The following DNAH17 variants were observed in gnomAD, a reference collection of about 807,000 sequenced individuals.
DNAH17 encodes the protein axonemal beta dynein heavy chain 17.
In DNAH17, 376 loss-of-function variants were observed where a neutral mutation model predicts 485.6. The observed-to-expected ratio is 0.77, with a 90% CI of 0.71 to 0.84. The LOEUF is 0.84. DNAH17 is among the 40% of genes least tolerant of loss of function. DNAH17 has a pLI of 0.00. For synonymous variants in DNAH17, 3,031 were observed against 2,405.9 expected (o/e 1.26, Z -7.60); for missense variants, 6,370 against 5,839.3 (o/e 1.09, Z -2.96).
At chr17:78,497,205 G>C (rs998517670) in intron 37 of DNAH17, among the ~76,000 whole-genome samples, 2 of 152,184 alleles carry the variant, frequency 1.3e-5, no homozygotes, top group Non-Finnish European at 2.9e-5. Flanking sequence ...TAGAGCATCA[G>C]GGGCCGTTGC....
intron 22 of DNAH17, among the ~76,000 whole-genome samples, chr17:78,528,586 G>A (rs74001402): frequency 0.016 from 2,484 of 152,164 alleles, 70 homozygotes; most frequent in African/African-American, 0.057. Flanking sequence ...AGGGGAGAGG[G>A]CGGGAGGAGG....
chr17:78,552,092 G>A (rs956017671), intron 15 of DNAH17, among the ~76,000 whole-genome samples: 16 of 152,122 alleles, frequency 1.1e-4, no homozygotes, highest in Admixed American at 1.3e-4. Flanking sequence ...ATCGCTGGGC[G>A]TTCTCTGAAA....
chr17:78,570,855 T>TG (rs2092342321), intron 6 of DNAH17, 93 bp downstream of exon 6: 1 of 414,398 alleles, frequency 2.4e-6, no homozygotes, highest in Non-Finnish European at 3.5e-6. Context: ...AGACTCCCTC[T>TG]CAAAAAAAAA....
chr17:78,463,021 G>A lies in DNAH17; in HGVS notation c.8997C>T (p.Asn2999=), dbSNP rs368196998. The change falls in exon 57 of 81, where the codon AAC becomes AAT. Residue 2999 remains asparagine, a synonymous_variant. Coordinates refer to ENST00000389840, the MANE Select transcript of DNAH17 (RefSeq NM_173628.4). ...TAGCCAGGTATACCCTGGACATCTC[G>A]TTGACGGTGGTGTGCACGTAGGACA... ...FFMSYVHTTV[N]EMSRVYLATE... is the part of the protein sequence containing the mutation. 4.0e-5 allele frequency: 64 copies of A among 1,613,988 alleles called. No individual in the cohort carries two copies. Among genetic ancestry groups the A allele is most frequent in the South Asian group, 2.1e-4 (19 of 91,078 alleles).
Position 78,461,720 on chromosome 17 carries a change from G to C in DNAH17, c.9175-12C>G. 1 of 1,604,778 alleles carries C rather than the reference G, an allele frequency of 6.2e-7. No homozygotes were observed. The highest frequency in any genetic ancestry group is 8.5e-7 in the Non-Finnish European group (1 of 1,175,762). ...TTCAAATCATCCACCTGGGGAAGGA[G>C]AAACCGAGAAACAGCAAGTGTGGGC... On this transcript the variant is annotated splice_polypyrimidine_tract_variant and intron_variant, in intron 57 of 80. Transcript: ENST00000389840.
At chr17:78,557,855 C>G (rs959345751) in intron 14 of DNAH17, among the ~76,000 whole-genome samples, 2 of 151,902 alleles carry the variant, frequency 1.3e-5, no homozygotes, top group African/African-American at 4.8e-5. Context: ...ACAACAAATG[C>G]TGGTGTAAGA....
intron 11 of DNAH17, among the ~76,000 whole-genome samples, 175 bp downstream of exon 11, chr17:78,566,439 A>AG (rs1254261932): frequency 1.3e-5 from 2 of 152,144 alleles, no homozygotes; most frequent in African/African-American, 4.8e-5. Context: ...AACCATCAGG[A>AG]GCTACACTGG....
In DNAH17 at chr17:78,460,101, A is replaced by G. The variant is rs980217950; in HGVS notation, c.9435+61T>C. On this transcript the variant is annotated intron_variant, in intron 59 of 80. Coordinates refer to ENST00000389840, the MANE Select transcript of DNAH17 (RefSeq NM_173628.4). Reference sequence around the variant, plus strand: ...TGAGTGTGTCACCACCCACGCCAACAGCGAAGGCAGCTTCCTCTCCAACCA... The same window carrying G: ...TGAGTGTGTCACCACCCACGCCAACGGCGAAGGCAGCTTCCTCTCCAACCA... The G allele has an allele frequency of 9.5e-6, 15 of 1,579,088 alleles. No individual in the cohort carries two copies. The African/African-American group carries it at 2.0e-4, about 21-fold the overall frequency.
chr17:78,497,057 T>A (rs2090101056), intron 37 of DNAH17: 2 of 152,238 alleles, frequency 1.3e-5, no homozygotes, highest in Non-Finnish European at 2.9e-5. Flanking sequence ...CAACACCTTG[T>A]CCCTGCTGAG....
At chr17:78,566,065 T>TA (rs1269300834) in intron 11 of DNAH17, among the ~76,000 whole-genome samples, 1 of 151,758 alleles carries the variant, frequency 6.6e-6, no homozygotes, top group African/African-American at 2.4e-5. Flanking sequence ...AAGGACCAAA[T>TA]GAAAAGATGG....
intron 16 of DNAH17, among the ~76,000 whole-genome samples, chr17:78,547,669 G>C (rs1188352283): frequency 6.7e-6 from 1 of 150,080 alleles, no homozygotes; most frequent in African/African-American, 2.5e-5. Context: ...CCAGGCTGGA[G>C]TGCAGTGGTG....
chr17:78,537,194 AAAAAG>A, intron 19 of DNAH17, 100 bp downstream of exon 19: 12 of 1,304,486 alleles, frequency 9.2e-6, no homozygotes, highest in Non-Finnish European at 1.2e-5. Flanking sequence ...AAAAAAAGAA[AAAAAG>A]AAAAGGTAAA....
chr17:78,436,291 G>C (rs1051795590), intron 74 of DNAH17, among the ~76,000 whole-genome samples: 1 of 152,164 alleles, frequency 6.6e-6, no homozygotes, highest in East Asian at 1.9e-4. Context: ...AGCCAGGAGT[G>C]GTGGTGGGTG....
At chr17:78,500,155 G>T in intron 36 of DNAH17, 150 bp downstream of exon 36, 1 of 846,670 alleles carries the variant, frequency 1.2e-6, no homozygotes, top group Non-Finnish European at 1.8e-6. Context: ...GATGCTACCA[G>T]CAAGTGGGGG....
chr17:78,506,306 CTCTTT>C (rs1240224581), intron 30 of DNAH17, among the ~76,000 whole-genome samples: 1 of 151,732 alleles, frequency 6.6e-6, no homozygotes, highest in Non-Finnish European at 1.5e-5. Context: ...TGTGCCTGAC[CTCTTT>C]TCTCTTTTAG....
chr17:78,541,953 G>T (rs940702763), intron 17 of DNAH17, among the ~76,000 whole-genome samples: 1 of 152,024 alleles, frequency 6.6e-6, no homozygotes, highest in Non-Finnish European at 1.5e-5. Flanking sequence ...ACAGACTCTG[G>T]TTCAGTCAAG....
chr17:78,438,188 T>C (rs938153197), intron 73 of DNAH17, among the ~76,000 whole-genome samples: 2 of 151,546 alleles, frequency 1.3e-5, no homozygotes, highest in South Asian at 2.1e-4. Context: ...CCCCTCCTCT[T>C]GAAGCTGAGG....
chr17:78,551,564 T>C lies in DNAH17; in HGVS notation c.2362A>G (p.Asn788Asp). 6.2e-7 allele frequency: 1 copy of C among 1,614,052 alleles called. No individual in the cohort carries two copies. The highest frequency in any genetic ancestry group is 8.5e-7 in the Non-Finnish European group (1 of 1,179,904). The change falls in exon 16 of 81, where the codon AAT (asparagine) becomes GAT (aspartate). Residue 788 changes from asparagine to aspartate, a missense_variant. Transcript: ENST00000389840. ...LQNRMQKAKQ[N>D]IEGISQAMKD... ...ATAGCCTGGGAAATTCCTTCTATAT[T>C]TTGTTTTGCCTTTTGCATCCTGTTC...
intron 2 of DNAH17, 147 bp downstream of exon 2, chr17:78,574,566 G>A (rs141010877): frequency 3.8e-5 from 26 of 684,930 alleles, no homozygotes; most frequent in South Asian, 8.4e-5. Flanking sequence ...CAGGGTGGAC[G>A]GGGCCCGAGC....
Sources: gnomAD v4.1 joint callset for allele counts (sites outside exome capture counted in the v4.1 genomes callset) on GRCh38, gnomAD v4.1.1 for gene constraint, MANE v1.5 for transcripts, NCBI Gene and HGNC (gene_info 2026-07-23, HGNC 2026-07-21) for gene names.